The following AGO4 variants were observed in gnomAD, a reference collection of about 807,000 sequenced individuals.
AGO4 encodes the protein protein argonaute-4.
In AGO4, 33 loss-of-function variants were observed where a neutral mutation model predicts 104.7. The observed-to-expected ratio is 0.32, with a 90% CI of 0.24 to 0.42. AGO4 has a LOEUF of 0.42. AGO4 is among the 10% of genes least tolerant of loss of function. The probability of loss-of-function intolerance (pLI) is 1.00; values close to 1 mark genes in which losing one functional copy is unlikely to be tolerated. For missense variants in AGO4, 711 were observed against 1,083.4 expected (o/e 0.66, Z 4.83); for synonymous variants, 331 against 364.7 (o/e 0.91, Z 1.05).
At chr1:35,836,149 T>G (rs958297125) in intron 13 of AGO4, among the ~76,000 whole-genome samples, 156 bp downstream of exon 13, 1 of 152,184 alleles carries the variant, frequency 6.6e-6, no homozygotes, top group Non-Finnish European at 1.5e-5. Context: ...ATAGAACATT[T>G]CCAGCACCCC....
rs1187379117 is a variant in AGO4 at position 35,855,018 on chromosome 1, GC to G, written c.*1414del. ...AACAAAGGGAGTTGCTCTAAAGCGA[GC>G]ATCAGTTAAAATGTAGGGGAAAATG... is the stretch of plus-strand genomic sequence containing the variant. On this transcript the variant is annotated 3_prime_UTR_variant, in exon 18 of 18. Coordinates refer to ENST00000373210, the MANE Select transcript of AGO4 (RefSeq NM_017629.4). 6.6e-6 allele frequency: 1 copy of G among 152,664 alleles called. No homozygotes were observed. 9.5% of individuals were successfully genotyped at this position (152,664 alleles called of 1,614,324 possible).
intron 16 of AGO4, 37 bp from the exon 17 acceptor site, chr1:35,850,817 C>CAAAAAAAA: frequency 1.0e-6 from 1 of 978,558 alleles, no homozygotes; most frequent in South Asian, 1.8e-5. Flanking sequence ...AAAAAACGAA[C>CAAAAAAAA]AAAAAAAAAA....
At chr1:35,821,996 T>C (rs1478885858) in intron 2 of AGO4, among the ~76,000 whole-genome samples, 1 of 151,818 alleles carries the variant, frequency 6.6e-6, no homozygotes, top group Non-Finnish European at 1.5e-5. Context: ...CAAGCGATTC[T>C]CGTGCCTCAG....
chr1:35,831,100 G>T (rs367984120), intron 7 of AGO4, among the ~76,000 whole-genome samples: 3 of 151,518 alleles, frequency 2.0e-5, no homozygotes, highest in African/African-American at 7.3e-5. Context: ...AGTGGCTCAC[G>T]CCTGTAATCC....
chr1:35,826,043 T>G lies in AGO4; in HGVS notation c.743T>G (p.Phe248Cys). The part of the protein sequence containing the change: ...KPLTDSQRVK[F>C]TKEIRGLKVE... The stretch of plus-strand genomic sequence containing the variant: ...CTAACAGACTCCCAGCGTGTCAAAT[T>G]TACCAAAGAAATCAGAGGTAAGTGT... The change falls in exon 6 of 18, where the codon TTT becomes TGT. Residue 248 changes from phenylalanine (F) to cysteine (C), a missense_variant. This residue lies in a region of AGO4 where 308 missense variants were observed against 397.8 expected (regional missense o/e 0.77). Transcript: ENST00000373210. 3 of 1,614,132 alleles carry G rather than the reference T, an allele frequency of 1.9e-6. No individual in the cohort carries two copies. The highest frequency in any genetic ancestry group is 2.5e-6 in the Non-Finnish European group (3 of 1,180,012).
chr1:35,833,227 C>T (rs1331350071), intron 11 of AGO4, among the ~76,000 whole-genome samples: 3 of 151,930 alleles, frequency 2.0e-5, no homozygotes, highest in Non-Finnish European at 4.4e-5. Flanking sequence ...TGCAGTGAGC[C>T]AAGATCTCAC....
intron 1 of AGO4, 143 bp from the exon 2 acceptor site, chr1:35,816,739 C>T: frequency 1.2e-6 from 1 of 812,380 alleles, no homozygotes; most frequent in Non-Finnish European, 1.8e-6. Flanking sequence ...GCAGAGGTTG[C>T]AGTGAGCCAA....
In AGO4 at chr1:35,841,579, A is replaced by G; in HGVS notation, c.2041-37A>G. On this transcript the variant is annotated intron_variant, in intron 14 of 17. Transcript: ENST00000373210. This position sits in a 1 kb window ranked among gnomAD's most constrained non-coding sequence, Gnocchi z 4.7. Reference sequence around the variant, plus strand: ...GGTAGATCTGAGAGATACTAGGCAAATTCTCAATTAAACATAATTCCATTT... The same window carrying G: ...GGTAGATCTGAGAGATACTAGGCAAGTTCTCAATTAAACATAATTCCATTT... 6.2e-7 allele frequency: 1 copy of G among 1,613,798 alleles called. No homozygotes were observed. Among genetic ancestry groups the G allele is most frequent in the Non-Finnish European group, 8.5e-7 (1 of 1,179,782 alleles).
intron 15 of AGO4, among the ~76,000 whole-genome samples, chr1:35,848,139 G>C (rs1348632868): frequency 6.6e-6 from 1 of 152,126 alleles, no homozygotes; most frequent in Non-Finnish European, 1.5e-5. Flanking sequence ...TGTTCCTACA[G>C]TTTTGCTTTT....
chr1:35,807,837 G>T (rs139493026), upstream of AGO4, among the ~76,000 whole-genome samples: 1,159 of 152,284 alleles, frequency 7.6e-3, 16 homozygotes, highest in African/African-American at 0.025. Flanking sequence ...GTGGAAAACT[G>T]AATCTGTGGG....
chr1:35,842,514 A>G (rs942654858), intron 15 of AGO4, among the ~76,000 whole-genome samples: 1 of 152,214 alleles, frequency 6.6e-6, no homozygotes, highest in African/African-American at 2.4e-5. Flanking sequence ...GGTTAAGAAC[A>G]ATATCTGACC....
At chr1:35,835,198 A>G (rs1430925842) in intron 12 of AGO4, among the ~76,000 whole-genome samples, 1 of 151,534 alleles carries the variant, frequency 6.6e-6, no homozygotes, top group Non-Finnish European at 1.5e-5. Context: ...CTGGGACTAC[A>G]GGCACGTGCC....
At chr1:35,834,274 C>T in intron 12 of AGO4, 100 bp downstream of exon 12, 1 of 1,056,798 alleles carries the variant, frequency 9.5e-7, no homozygotes, top group Non-Finnish European at 1.3e-6. Context: ...CTCAAACTCT[C>T]AGTGGTTCAC....
chr1:35,839,755 C>A (rs1169461968), intron 13 of AGO4, among the ~76,000 whole-genome samples: 2 of 151,920 alleles, frequency 1.3e-5, no homozygotes, highest in African/African-American at 4.8e-5. Flanking sequence ...ACCTTTAGTA[C>A]CTATTATATG....
chr1:35,813,801 G>GGAAGGAA (rs1163560415), intron 1 of AGO4, among the ~76,000 whole-genome samples: 6 of 149,300 alleles, frequency 4.0e-5, no homozygotes, highest in African/African-American at 1.5e-4. Flanking sequence ...GAAGGAAGAA[G>GGAAGGAA]GAAGGAAGAA....
chr1:35,845,236 CT>C (rs573313485), intron 15 of AGO4, among the ~76,000 whole-genome samples: 2 of 56,458 alleles, frequency 3.5e-5, no homozygotes, highest in African/African-American at 1.2e-4. Context: ...TGTAATCAGG[CT>C]TTTTTTTTTT....
intron 1 of AGO4, 126 bp from the exon 2 acceptor site, chr1:35,816,756 G>A (rs1643713999): frequency 9.5e-7 from 1 of 1,055,142 alleles, no homozygotes; most frequent in East Asian, 2.6e-5. Context: ...CCAAGATCAA[G>A]CCACTGCACT....
At chr1:35,823,678 G>A (rs1024550440) in intron 3 of AGO4, among the ~76,000 whole-genome samples, 19 of 151,262 alleles carry the variant, frequency 1.3e-4, no homozygotes, top group African/African-American at 4.4e-4. Flanking sequence ...TGATCCACCC[G>A]CCTCAGCCTC....
rs763976700 is a variant in AGO4, at chr1:35,853,557, G to A, written c.2538G>A (p.Lys846=). 8.7e-6 allele frequency: 14 copies of A among 1,614,040 alleles called. No homozygotes were observed. Among genetic ancestry groups the A allele is most frequent in the Non-Finnish European group, 1.2e-5 (14 of 1,179,982 alleles). The change falls in exon 18 of 18, where the codon AAG becomes AAA. Residue 846 remains lysine, a synonymous_variant. Coordinates refer to ENST00000373210, the MANE Select transcript of AGO4 (RefSeq NM_017629.4). ...GCCGGGATCCTCAGGCCTTGGCTAA[G>A]GCTGTGCAAATCCACCATGATACCC... ...SNGRDPQALA[K]AVQIHHDTQH...
Sources: allele counts gnomAD v4.1 joint callset (sites outside exome capture counted in the v4.1 genomes callset), GRCh38; gene constraint gnomAD v4.1.1; regional missense constraint gnomAD v4.1.1; non-coding constraint Gnocchi (gnomAD v3.1); transcripts MANE v1.5; gene names NCBI Gene and HGNC (gene_info 2026-07-23, HGNC 2026-07-21).